Variants in KDM4B observed in about 807,000 individuals in gnomAD.
The protein encoded by KDM4B is lysine-specific demethylase 4B.
A neutral mutation model predicts 125.2 loss-of-function variants in KDM4B; 32 were observed. The observed-to-expected ratio is 0.26, with a 90% CI of 0.19 to 0.34. The LOEUF (loss-of-function observed/expected upper bound fraction) is 0.34. Among genes scored for constraint, KDM4B ranks in the 10% least tolerant of loss-of-function variants. The pLI, the probability that KDM4B is intolerant of heterozygous loss-of-function variation, is 1.00. For missense variants in KDM4B, 1,190 were observed against 1,577.7 expected (o/e 0.75, Z 4.16); for synonymous variants, 721 against 677.9 (o/e 1.06, Z -0.99).
intron 9 of KDM4B, among the ~76,000 whole-genome samples, chr19:5,097,538 C>G (rs2145938726): frequency 6.6e-6 from 1 of 152,360 alleles, no homozygotes; most frequent in Non-Finnish European, 1.5e-5. Context: ...CAGGCGTGAG[C>G]CGCCGCGCCT....
chr19:5,125,577 G>A (rs746103975), intron 11 of KDM4B, among the ~76,000 whole-genome samples: 15 of 152,210 alleles, frequency 9.9e-5, no homozygotes, highest in Admixed American at 2.6e-4. Flanking sequence ...CGAGATCCCC[G>A]GGGGTCCACA....
intron 18 of KDM4B, among the ~76,000 whole-genome samples, chr19:5,138,652 T>C (rs1266133651): frequency 6.6e-6 from 1 of 151,420 alleles, no homozygotes; most frequent in Non-Finnish European, 1.5e-5. Context: ...CCAGGCACTG[T>C]CTCAAAAAAA....
intron 18 of KDM4B, chr19:5,138,401 G>T (rs945175504): frequency 6.3e-6 from 2 of 319,302 alleles, no homozygotes; most frequent in African/African-American, 4.3e-5. Context: ...GGCACCGCAC[G>T]TGCCCCGACA....
At position 5,082,973 on chromosome 19, in the gene KDM4B, C is replaced by G. The variant is rs559456512; in HGVS notation, c.918+469C>G. On this transcript the variant is annotated intron_variant, in intron 9 of 22. Coordinates refer to ENST00000159111, the MANE Select transcript of KDM4B (RefSeq NM_015015.3). The surrounding 1 kb of genome is among the most constrained non-coding windows in gnomAD (Gnocchi z 5.4). ...AGGAGCCCACTCAGGCATCTGCCCC[C>G]CTCCCTCCCTGCTCCCCTGTCAGTG... Among the ~76,000 whole-genome samples, 1 of 152,176 alleles carries G rather than the reference C, an allele frequency of 6.6e-6. No individual in the cohort carries two copies. The highest frequency in any genetic ancestry group is 2.1e-4 in the South Asian group (1 of 4,836).
chr19:4,983,902 C>G (rs562204526), intron 1 of KDM4B, among the ~76,000 whole-genome samples: 1 of 152,156 alleles, frequency 6.6e-6, no homozygotes, highest in Non-Finnish European at 1.5e-5. Flanking sequence ...GGGTCTGTGT[C>G]TTTATTTCCA....
chr19:5,052,209 G>A (rs1313592977), intron 6 of KDM4B, among the ~76,000 whole-genome samples: 1 of 152,180 alleles, frequency 6.6e-6, no homozygotes, highest in Non-Finnish European at 1.5e-5. Context: ...GAATTTCACA[G>A]CATCTTTTCT....
intron 21 of KDM4B, among the ~76,000 whole-genome samples, chr19:5,146,759 C>CA (rs1460905687): frequency 6.0e-5 from 4 of 66,820 alleles, no homozygotes; most frequent in South Asian, 5.9e-4. Context: ...AGACCCCCCC[C>CA]CCCCCCACAA....
rs1482481356 is a variant in KDM4B at position 5,149,703 on chromosome 19, C to G, written c.3022-655C>G. ...CTGAGAGAGTCTCCGCGAGCCTGAG[C>G]TGGCACCAAGCTTAACGAGGAGGAA... On this transcript the variant is annotated intron_variant, in intron 21 of 22. Transcript: ENST00000159111. 2.0e-5 allele frequency among the ~76,000 whole-genome samples: 3 copies of G among 152,210 alleles called. No individual in the cohort carries two copies. In the South Asian group the frequency reaches 6.2e-4, roughly 32 times the overall value.
chr19:5,100,381 G>A (rs772159134), intron 9 of KDM4B, among the ~76,000 whole-genome samples: 1 of 152,094 alleles, frequency 6.6e-6, no homozygotes. Flanking sequence ...CCCCACCTCC[G>A]TTTTCTACGT....
At chr19:5,008,667 G>T (rs6510835) in intron 1 of KDM4B, among the ~76,000 whole-genome samples, 100,958 of 147,594 alleles carry the variant, frequency 0.68, 34,810 homozygotes, top group East Asian at 0.78. Flanking sequence ...CTCAATTCAC[G>T]GTAACCTCTG....
At chr19:5,094,867 C>T (rs919322405) in intron 9 of KDM4B, among the ~76,000 whole-genome samples, 3 of 152,190 alleles carry the variant, frequency 2.0e-5, no homozygotes, top group African/African-American at 4.8e-5. Flanking sequence ...TGCTAATAGC[C>T]GGGTGGGCTG....
At chr19:5,042,774 G>GC (rs2036864442) in intron 5 of KDM4B, among the ~76,000 whole-genome samples, 1 of 151,590 alleles carries the variant, frequency 6.6e-6, no homozygotes, top group South Asian at 2.1e-4. Context: ...GAACCATTCA[G>GC]GAGACATGAG....
At chr19:5,090,783 C>G in intron 9 of KDM4B, among the ~76,000 whole-genome samples, 1 of 150,366 alleles carries the variant, frequency 6.7e-6, no homozygotes, top group Non-Finnish European at 1.5e-5. Flanking sequence ...CCAGCACACC[C>G]TAGACCTTCC....
At chr19:5,105,522 G>A (rs538468533) in intron 9 of KDM4B, among the ~76,000 whole-genome samples, 7 of 152,268 alleles carry the variant, frequency 4.6e-5, no homozygotes, top group Non-Finnish European at 8.8e-5. Context: ...AGCCTTGACC[G>A]CCTGGGCTCA....
At position 4,993,413 on chromosome 19, in the gene KDM4B, G is replaced by GAA. The variant is rs34075415; in HGVS notation, c.-108-22833_-108-22832dup. ...GACAGAGTGAGACTCCATCTCAAGG[G>GAA]AAAAAAAAAAAAGAAAGTGAAGGTA... On this transcript the variant is annotated intron_variant, in intron 1 of 22. Coordinates refer to ENST00000159111, the MANE Select transcript of KDM4B (RefSeq NM_015015.3). 4.4e-3 allele frequency among the ~76,000 whole-genome samples: 635 copies of GAA among 144,598 alleles called. 8 individuals carry two copies. Among genetic ancestry groups the GAA allele is most frequent in the African/African-American group, 0.014 (562 of 39,448 alleles). 94.9% of individuals were successfully genotyped at this position (144,598 alleles called of 152,430 possible).
At position 5,114,190 on chromosome 19, in the gene KDM4B, G is replaced by A. The variant is rs1190141471; in HGVS notation, c.1115+3372G>A. 5 of 1,289,736 alleles carry A rather than the reference G, an allele frequency of 3.9e-6. No homozygotes were observed. The highest frequency in any genetic ancestry group is 1.5e-5 in the African/African-American group (1 of 65,984). 79.9% of individuals were successfully genotyped at this position (1,289,736 alleles called of 1,614,324 possible). A position where few individuals can be genotyped will look rare whatever the true frequency, so the allele number is the denominator to read the frequency against. On this transcript the variant is annotated intron_variant, in intron 10 of 22. Transcript: ENST00000159111. This position sits in a 1 kb window ranked among gnomAD's most constrained non-coding sequence, Gnocchi z 5.8. ...GCTCCTCCATGCAAACTCTTTCCACGCGAGAAGCGCCATGTGCACGTGCTC... is the reference window on the plus strand; with the variant it reads ...GCTCCTCCATGCAAACTCTTTCCACACGAGAAGCGCCATGTGCACGTGCTC...
intron 8 of KDM4B, among the ~76,000 whole-genome samples, chr19:5,079,619 G>C (rs748633406): frequency 6.6e-6 from 1 of 152,228 alleles, no homozygotes; most frequent in Non-Finnish European, 1.5e-5. Flanking sequence ...GGTTCTCCAG[G>C]GGAGAGACAG....
chr19:5,072,773 A>C (rs1371586607), intron 7 of KDM4B, among the ~76,000 whole-genome samples: 2 of 152,222 alleles, frequency 1.3e-5, no homozygotes, highest in East Asian at 3.8e-4. Context: ...TCTAAAATGC[A>C]TGTTAAGGGG....
At chr19:4,975,534 G>C (rs893778509) in intron 1 of KDM4B, among the ~76,000 whole-genome samples, 1 of 151,856 alleles carries the variant, frequency 6.6e-6, no homozygotes, top group Non-Finnish European at 1.5e-5. Flanking sequence ...CCCCTAGAAT[G>C]TACGGCAGCT....
Sources: allele counts gnomAD v4.1 joint callset (sites outside exome capture counted in the v4.1 genomes callset), GRCh38; gene constraint gnomAD v4.1.1; non-coding constraint Gnocchi (gnomAD v3.1); transcripts MANE v1.5; gene names NCBI Gene and HGNC (gene_info 2026-07-23, HGNC 2026-07-21).